The following MEIOSIN variants were observed in gnomAD, a reference collection of about 807,000 sequenced individuals.
MEIOSIN encodes the protein meiosis initiator protein.
A neutral mutation model predicts 23.4 loss-of-function variants in MEIOSIN; 18 were observed. That is an observed-to-expected ratio of 0.77 (90% confidence interval 0.53 to 1.14). The LOEUF (loss-of-function observed/expected upper bound fraction) is 1.14, where lower values mean the gene tolerates loss of function less well. Ranked by LOEUF, MEIOSIN falls within the 50% of genes most tolerant of loss-of-function variation. The pLI is 0.00. For synonymous variants in MEIOSIN, 187 were observed against 100.6 expected, an observed-to-expected ratio of 1.86 and a Z score of -5.14; for missense variants, 428 against 242.9, an observed-to-expected ratio of 1.76 and a Z score of -5.07.
At chr19:45,736,326 G>C (rs1205452889) in intron 2 of MEIOSIN, among the ~76,000 whole-genome samples, 1 of 152,014 alleles carries the variant, frequency 6.6e-6, no homozygotes, top group Non-Finnish European at 1.5e-5. Flanking sequence ...GAATTACTAA[G>C]CCACCACGCC....
At chr19:45,751,345 C>T (rs1332679310) in intron 5 of MEIOSIN, among the ~76,000 whole-genome samples, 1 of 150,732 alleles carries the variant, frequency 6.6e-6, no homozygotes, top group Non-Finnish European at 1.5e-5. Flanking sequence ...TGATCATGAC[C>T]TTCCCCTGGC....
In MEIOSIN at chr19:45,761,683, C is replaced by T; in HGVS notation, c.1250C>T (p.Thr417Ile). The T allele has an allele frequency of 1.4e-6, 1 of 702,786 alleles. No homozygotes were observed. The highest frequency in any genetic ancestry group is 1.5e-5 in the South Asian group (1 of 67,576). 43.5% of individuals were successfully genotyped at this position (702,786 alleles called of 1,614,324 possible). The change falls in exon 12 of 15, where the codon ACA (threonine) becomes ATA (isoleucine). Residue 417 changes from threonine (T) to isoleucine (I), a missense_variant. Transcript: ENST00000457052. ...YTQEAPQEKDTASKAPKDPPE... is the reference protein window; with the variant it reads ...YTQEAPQEKDIASKAPKDPPE... ...TTCTCCCTCATCATGCCCCAGGACA[C>T]AGCCTCCAAGGCCCCCAAAGACCCT...
chr19:45,744,862 GA>G (rs1292272593), intron 3 of MEIOSIN, among the ~76,000 whole-genome samples: 1 of 152,162 alleles, frequency 6.6e-6, no homozygotes, highest in Non-Finnish European at 1.5e-5. Context: ...TTGTGTTTCA[GA>G]AAGGTCACCC....
chr19:45,746,348 C>T (rs1968595378), intron 4 of MEIOSIN, among the ~76,000 whole-genome samples: 1 of 152,112 alleles, frequency 6.6e-6, no homozygotes, highest in Non-Finnish European at 1.5e-5. Context: ...TTTCTTTTTG[C>T]CAACTTCTGG....
intron 13 of MEIOSIN, among the ~76,000 whole-genome samples, 169 bp downstream of exon 13, chr19:45,762,352 A>G (rs1367114333): frequency 2.0e-5 from 3 of 151,976 alleles, no homozygotes; most frequent in Non-Finnish European, 2.9e-5. Flanking sequence ...GCCCCATTGT[A>G]TTGGACAGGG....
At chr19:45,749,327 G>A (rs1968648073) in intron 4 of MEIOSIN, among the ~76,000 whole-genome samples, 1 of 138,920 alleles carries the variant, frequency 7.2e-6, no homozygotes, top group African/African-American at 2.7e-5. Context: ...AGCTGAGATG[G>A]TACCACTAAA....
chr19:45,759,521 C>T (rs988119614), intron 11 of MEIOSIN, 31 bp downstream of exon 11: 19 of 702,212 alleles, frequency 2.7e-5, no homozygotes, highest in Non-Finnish European at 4.7e-5. Context: ...TGTCCACAGA[C>T]ACATCCATCC....
At position 45,759,028 on chromosome 19, in the gene MEIOSIN, C is replaced by A. The variant is rs725660; in HGVS notation, c.1163C>A (p.Thr388Asn). The A allele has an allele frequency of 0.33, 234,119 of 702,888 alleles. 40,508 individuals carry two copies. Among genetic ancestry groups the A allele is most frequent in the Middle Eastern group, 0.38 (1,644 of 4,370 alleles). The allele number at this position is 702,888 out of a possible 1,614,324, so 43.5% of individuals were successfully genotyped here. A position where few individuals can be genotyped will look rare whatever the true frequency, so the allele number is the denominator to read the frequency against. The change falls in exon 10 of 15, where the codon ACC becomes AAC. Residue 388 changes from threonine (T) to asparagine (N), a missense_variant. By Grantham distance (65) the Thr-to-Asn change is moderately conservative. Coordinates refer to ENST00000457052, the MANE Select transcript of MEIOSIN (RefSeq NM_001310124.2). ...TTGGAGGATGACATGGAGTACCTGA[C>A]CCAAGGTGAGGCCCAGGCCTGGCCC... ...EILEDDMEYLTQAAFFEEVCL... is the reference protein window; with the variant it reads ...EILEDDMEYLNQAAFFEEVCL...
chr19:45,762,876 G>A (rs971445369), intron 13 of MEIOSIN, among the ~76,000 whole-genome samples: 3 of 152,186 alleles, frequency 2.0e-5, no homozygotes, highest in African/African-American at 7.2e-5. Flanking sequence ...TCTGTCTTCC[G>A]GGCTGGCTTC....
chr19:45,741,894 G>A (rs557639926), intron 3 of MEIOSIN, among the ~76,000 whole-genome samples: 97 of 151,412 alleles, frequency 6.4e-4, no homozygotes, highest in African/African-American at 2.2e-3. Flanking sequence ...TTTTTGAGAC[G>A]GAGCTTTTGC....
chr19:45,762,309 G>C, intron 13 of MEIOSIN, 126 bp downstream of exon 13: 1 of 398,098 alleles, frequency 2.5e-6, no homozygotes, highest in Non-Finnish European at 4.4e-6. Context: ...CAAACCCTTC[G>C]TGGACCACAG....
chr19:45,745,072 C>T (rs1453551117), intron 3 of MEIOSIN, 120 bp from the exon 4 acceptor site: 12 of 648,348 alleles, frequency 1.9e-5, no homozygotes, highest in South Asian at 8.7e-5. Context: ...ATTCTGTCCT[C>T]GGTGTCCAGG....
intron 8 of MEIOSIN, 92 bp downstream of exon 8, chr19:45,756,170 C>T (rs1360797075): frequency 3.0e-6 from 2 of 658,468 alleles, no homozygotes; most frequent in African/African-American, 1.8e-5. Flanking sequence ...CAAGTCACGT[C>T]CTCTGCGGGT....
intron 11 of MEIOSIN, among the ~76,000 whole-genome samples, chr19:45,760,331 G>T (rs1184186650): frequency 6.6e-6 from 1 of 152,158 alleles, no homozygotes; most frequent in Non-Finnish European, 1.5e-5. Flanking sequence ...GTCCGGGCGT[G>T]GTGGCTCACG....
chr19:45,738,752 G>A (rs1442523049), intron 2 of MEIOSIN, among the ~76,000 whole-genome samples: 1 of 152,168 alleles, frequency 6.6e-6, no homozygotes, highest in Admixed American at 6.6e-5. Flanking sequence ...TCCGACTGTT[G>A]TAAGACGAGG....
intron 6 of MEIOSIN, 24 bp from the exon 7 acceptor site, chr19:45,754,455 A>G: frequency 1.4e-6 from 1 of 694,820 alleles, no homozygotes; most frequent in Admixed American, 2.0e-5. Flanking sequence ...GGCCCCTCTG[A>G]CACCTGAACC....
At chr19:45,743,240 T>G (rs1968536950) in intron 3 of MEIOSIN, among the ~76,000 whole-genome samples, 1 of 152,166 alleles carries the variant, frequency 6.6e-6, no homozygotes, top group African/African-American at 2.4e-5. Flanking sequence ...GGACTATGGT[T>G]TATATGAAAC....
rs1403495352 is a variant in MEIOSIN at position 45,745,335 on chromosome 19, AG to A, written c.306+16del. ...AAGCTCACAAAGGTACAGGGACTAG[AG>A]GAGAGGGGCCAGATTTGGGACGCAG... On this transcript the variant is annotated intron_variant, in intron 4 of 14. Transcript: ENST00000457052. 2.9e-6 allele frequency: 2 copies of A among 698,794 alleles called. No individual in the cohort carries two copies. The highest frequency in any genetic ancestry group is 5.2e-6 in the Non-Finnish European group (2 of 383,392). 43.3% of individuals were successfully genotyped at this position (698,794 alleles called of 1,614,324 possible). A position where few individuals can be genotyped will look rare whatever the true frequency, so the allele number is the denominator to read the frequency against.
intron 4 of MEIOSIN, among the ~76,000 whole-genome samples, chr19:45,750,330 C>A (rs1281091766): frequency 6.9e-6 from 1 of 144,234 alleles, no homozygotes; most frequent in African/African-American, 2.5e-5. Context: ...TTGTGCTCAA[C>A]CCTGTCTTTC....
Sources: allele counts gnomAD v4.1 joint callset (sites outside exome capture counted in the v4.1 genomes callset), GRCh38; gene constraint gnomAD v4.1.1; transcripts MANE v1.5; gene names NCBI Gene and HGNC (gene_info 2026-07-23, HGNC 2026-07-21).